ZC3H14: variants seen among roughly 807,000 people sequenced by gnomAD.
ZC3H14 encodes the protein zinc finger CCCH-type containing 14.
ZC3H14 carries 31 observed loss-of-function variants against 92.4 expected under a neutral mutation model. That is an observed-to-expected ratio of 0.34 (90% CI 0.25 to 0.45). ZC3H14 has a LOEUF of 0.45. Ranked by LOEUF, ZC3H14 falls within the 20% of genes least tolerant of loss-of-function variation. The pLI is 1.00. For synonymous variants in ZC3H14, 321 were observed against 300.9 expected (o/e 1.07, Z -0.69); for missense variants, 781 against 897.3 (o/e 0.87, Z 1.66).
chr14:88,609,608 T>A (rs1487386763), intron 14 of ZC3H14, 104 bp from the exon 15 acceptor site: 1 of 1,435,190 alleles, frequency 7.0e-7, no homozygotes, highest in African/African-American at 1.4e-5. Flanking sequence ...CTTACCATTC[T>A]AATTTAAAAA....
chr14:88,601,296 C>T (rs746592195), intron 10 of ZC3H14, among the ~76,000 whole-genome samples: 1 of 152,140 alleles, frequency 6.6e-6, no homozygotes, highest in East Asian at 1.9e-4. Flanking sequence ...ATTGATAGGT[C>T]AGCCATTCTG....
In ZC3H14 at chr14:88,594,442, G is replaced by A. The variant is rs1170229041; in HGVS notation, c.1280-2292G>A. 5 of 1,243,920 alleles carry A rather than the reference G, an allele frequency of 4.0e-6. No homozygotes were observed. The African/African-American group carries it at 6.1e-5, about 15-fold the overall frequency. 77.1% of individuals were successfully genotyped at this position (1,243,920 alleles called of 1,614,324 possible). A position where few individuals can be genotyped will look rare whatever the true frequency, so the allele number is the denominator to read the frequency against. ...GCTATACAGATGGTACTTAGAGGAT[G>A]TAGGGCCCTACGTATTAGGGCTTCT... On this transcript the variant is annotated intron_variant, in intron 9 of 16. Transcript: ENST00000251038.
Position 88,625,125 on chromosome 14 carries a change from A to C in ZC3H14, c.*13374A>C. On this transcript the variant is annotated 3_prime_UTR_variant, in exon 17 of 17. Coordinates refer to ENST00000251038, the MANE Select transcript of ZC3H14 (RefSeq NM_024824.5). ...TGATGGTACCTGTAAACGTCAAGTT[A>C]TTCTGAAAAGGAGTGGGGGAGGGGG... 1 of 1,613,560 alleles carries C rather than the reference A, an allele frequency of 6.2e-7. No homozygotes were observed. Among genetic ancestry groups the C allele is most frequent in the East Asian group, 2.2e-5 (1 of 44,880 alleles).
chr14:88,563,761 G>C, intron 2 of ZC3H14, 68 bp downstream of exon 2: 4 of 1,445,106 alleles, frequency 2.8e-6, no homozygotes, highest in Non-Finnish European at 3.9e-6. Context: ...TTTAGTGAAT[G>C]CGTATTTCTC....
At chr14:88,598,822 C>T (rs531196192) in intron 10 of ZC3H14, among the ~76,000 whole-genome samples, 41 of 152,342 alleles carry the variant, frequency 2.7e-4, no homozygotes, top group Admixed American at 7.2e-4. Context: ...TGCAGTGGCT[C>T]ACGCCCATAA....
At position 88,624,812 on chromosome 14, in the gene ZC3H14, C is replaced by A; in HGVS notation, c.*13061C>A. ...GTGAATTAAGACCAGAAATGAGAAT[C>A]AAATAGAAGGCACATAAAAGGTAAT... On this transcript the variant is annotated 3_prime_UTR_variant, in exon 17 of 17. Transcript: ENST00000251038. 1 of 817,322 alleles carries A rather than the reference C, an allele frequency of 1.2e-6. No homozygotes were observed. Among genetic ancestry groups the A allele is most frequent in the East Asian group, 2.8e-5 (1 of 35,492 alleles). 50.6% of individuals were successfully genotyped at this position (817,322 alleles called of 1,614,324 possible).
chr14:88,604,033 A>T (rs2084993731), intron 12 of ZC3H14, among the ~76,000 whole-genome samples: 1 of 152,206 alleles, frequency 6.6e-6, no homozygotes, highest in Non-Finnish European at 1.5e-5. Context: ...AGAAAAACTT[A>T]AAAAATAGTA....
chr14:88,590,893 G>A (rs1191974038), intron 9 of ZC3H14: 1 of 152,062 alleles, frequency 6.6e-6, no homozygotes, highest in Non-Finnish European at 1.5e-5. Context: ...CTAACCTGCA[G>A]TTTTCACAGG....
chr14:88,626,857 A>C lies in ZC3H14; in HGVS notation c.*15106A>C, dbSNP rs757931189. ...ACATACTGCACCAAATGCAATAGCG[A>C]GCATGGTCTGCATCCGGGCATCTTC... is the stretch of plus-strand genomic sequence containing the variant. On this transcript the variant is annotated 3_prime_UTR_variant, in exon 17 of 17. Transcript: ENST00000251038. 1 of 1,613,924 alleles carries C rather than the reference A, an allele frequency of 6.2e-7. No individual in the cohort carries two copies. Among genetic ancestry groups the C allele is most frequent in the East Asian group, 2.2e-5 (1 of 44,870 alleles).
Position 88,607,520 on chromosome 14 carries a change from CTCACCCTGCAAGTACCATCCCATT to C in ZC3H14, c.1868+179_1868+202del, listed in dbSNP as rs1482313115. On this transcript the variant is annotated intron_variant, in intron 13 of 16. Coordinates refer to ENST00000251038, the MANE Select transcript of ZC3H14 (RefSeq NM_024824.5). ...AACCCTCAAGTGAGTACCATCCCAT[CTCACCCTGCAAGTACCATCCCATT>C]TCACCCTGCAAGTACCATCCCCCAT... 3.3e-4 allele frequency among the ~76,000 whole-genome samples: 49 copies of C among 146,466 alleles called. 1 individual carries two copies. In the East Asian group the frequency reaches 3.4e-3, roughly 10 times the overall value.
At chr14:88,592,619 G>A (rs1595704428) in intron 9 of ZC3H14, among the ~76,000 whole-genome samples, 2 of 145,726 alleles carry the variant, frequency 1.4e-5, no homozygotes, top group African/African-American at 5.1e-5. Context: ...TCATGCCTCA[G>A]CCTCCCGAGT....
At chr14:88,575,532 AAAAATT>A (rs2081050773) in intron 7 of ZC3H14, among the ~76,000 whole-genome samples, 1 of 152,142 alleles carries the variant, frequency 6.6e-6, no homozygotes, top group Admixed American at 6.5e-5. Flanking sequence ...GTCTCTTAAA[AAAAATT>A]AAAATAAATT....
At chr14:88,578,411 G>T (rs576624392) in intron 9 of ZC3H14, among the ~76,000 whole-genome samples, 1 of 152,256 alleles carries the variant, frequency 6.6e-6, no homozygotes, top group South Asian at 2.1e-4. Flanking sequence ...TTAGTAGCTG[G>T]AGGTGTGTAC....
Position 88,616,298 on chromosome 14 carries a change from C to CT in ZC3H14, c.*4548dup. 6.6e-7 allele frequency: 1 copy of CT among 1,508,522 alleles called. No individual in the cohort carries two copies. Among genetic ancestry groups the CT allele is most frequent in the African/African-American group, 1.4e-5 (1 of 72,800 alleles). The allele number at this position is 1,508,522 out of a possible 1,614,324, so 93.4% of individuals were successfully genotyped here. On this transcript the variant is annotated 3_prime_UTR_variant, in exon 17 of 17. Transcript: ENST00000251038. ...ATTTGGTGCACACAGAAGTCAAAGG[C>CT]TCTTATTAGGAACTATAATCTCTAT...
intron 9 of ZC3H14, among the ~76,000 whole-genome samples, chr14:88,580,970 C>T (rs1191864317): frequency 6.6e-6 from 1 of 152,054 alleles, no homozygotes. Flanking sequence ...ATTTAATGTC[C>T]AGCAAAAGTG....
Position 88,602,175 on chromosome 14 carries a change from A to T in ZC3H14, c.1514+92A>T, listed in dbSNP as rs1270567415. ...TGCAGCTTCCCTCCTCCCCGCCCTA[A>T]CCGCTAGCGTAGAGTGCTTTCATTG... is the stretch of plus-strand genomic sequence containing the variant. On this transcript the variant is annotated intron_variant, in intron 11 of 16. Transcript: ENST00000251038. 7.7e-6 allele frequency: 12 copies of T among 1,565,912 alleles called. No homozygotes were observed. In the African/African-American group the frequency reaches 1.6e-4, roughly 21 times the overall value.
intron 7 of ZC3H14, 53 bp downstream of exon 7, chr14:88,574,906 C>G: frequency 6.2e-7 from 1 of 1,611,148 alleles, no homozygotes; most frequent in South Asian, 1.1e-5. Flanking sequence ...TGGAGTCTTC[C>G]TGATTTATTG....
At position 88,622,552 on chromosome 14, in the gene ZC3H14, A is replaced by G; in HGVS notation, c.*10801A>G. On this transcript the variant is annotated 3_prime_UTR_variant, in exon 17 of 17. Transcript: ENST00000251038. ...TGCAAAGGGTGAGGGAATCACAGTA[A>G]TAACCACTTTCTGTTTTCTGCTGCA... The G allele has an allele frequency of 7.1e-7, 1 of 1,404,948 alleles. No homozygotes were observed. Among genetic ancestry groups the G allele is most frequent in the South Asian group, 1.5e-5 (1 of 65,260 alleles). 87.0% of individuals were successfully genotyped at this position (1,404,948 alleles called of 1,614,324 possible).
intron 9 of ZC3H14, chr14:88,594,755 C>T: frequency 6.2e-7 from 1 of 1,613,986 alleles, no homozygotes; most frequent in South Asian, 1.1e-5. Context: ...TTTCCATCAC[C>T]ACCTCTACCA....
Sources: gnomAD v4.1 joint callset for allele counts (sites outside exome capture counted in the v4.1 genomes callset) on GRCh38, gnomAD v4.1.1 for gene constraint, MANE v1.5 for transcripts, NCBI Gene and HGNC (gene_info 2026-07-23, HGNC 2026-07-21) for gene names.